CNTLN: variants seen among roughly 807,000 people sequenced by gnomAD.
CNTLN encodes the protein centlein, centrosomal protein.
A neutral mutation model predicts 180.0 loss-of-function variants in CNTLN; 212 were observed. The observed-to-expected ratio is 1.18, with a 90% CI of 1.05 to 1.32. The LOEUF (loss-of-function observed/expected upper bound fraction) is 1.32. Ranked by LOEUF, CNTLN falls within the 40% of genes most tolerant of loss-of-function variation. The probability of loss-of-function intolerance (pLI) is 0.00; values close to 1 mark genes in which losing one functional copy is unlikely to be tolerated. For missense variants in CNTLN, 2,095 were observed against 1,610.9 expected (o/e 1.30, Z -5.14); for synonymous variants, 722 against 563.1 (o/e 1.28, Z -3.99).
chr9:17,416,960 A>G (rs1414771924), intron 18 of CNTLN, among the ~76,000 whole-genome samples: 4 of 152,154 alleles, frequency 2.6e-5, no homozygotes, highest in Non-Finnish European at 1.5e-5. Flanking sequence ...CTCTAATTCT[A>G]GTATCTAGTG....
intron 23 of CNTLN, among the ~76,000 whole-genome samples, 162 bp downstream of exon 23, chr9:17,467,053 G>T (rs945829274): frequency 6.6e-6 from 1 of 151,372 alleles, no homozygotes; most frequent in African/African-American, 2.4e-5. Context: ...CCTCCATAAA[G>T]AATTTATTTT....
intron 6 of CNTLN, among the ~76,000 whole-genome samples, chr9:17,291,779 T>C (rs1829428248): frequency 6.6e-6 from 1 of 152,248 alleles, no homozygotes; most frequent in African/African-American, 2.4e-5. Context: ...TCTGTGTCTT[T>C]TAATCGGGGC....
the CNTLN span, among the ~76,000 whole-genome samples, chr9:17,525,874 C>G: frequency 1.3e-5 from 2 of 152,134 alleles, no homozygotes; most frequent in Non-Finnish European, 2.9e-5. Context: ...CTTAAAATAA[C>G]AATACATTAA....
At chr9:17,193,908 C>T (rs747294152) in intron 2 of CNTLN, among the ~76,000 whole-genome samples, 3 of 152,232 alleles carry the variant, frequency 2.0e-5, no homozygotes, top group Non-Finnish European at 4.4e-5. Context: ...CGGAAGTTTC[C>T]AAACCCCAAT....
chr9:17,230,402 G>T (rs1351229999), intron 3 of CNTLN, among the ~76,000 whole-genome samples: 1 of 148,936 alleles, frequency 6.7e-6, no homozygotes, highest in Admixed American at 6.7e-5. Context: ...GTTGGGGGAG[G>T]AGAGGAAGCG....
At chr9:17,295,991 AGAGAGAGTGTGTGTGTGT>A (rs984126652) in intron 6 of CNTLN, among the ~76,000 whole-genome samples, 13 of 76,670 alleles carry the variant, frequency 1.7e-4, no homozygotes, top group African/African-American at 1.0e-3. Flanking sequence ...AGAGAGAGAG[AGAGAGAGTGTGTGTGTGT>A]GTGTGTGTGT....
intron 1 of CNTLN, among the ~76,000 whole-genome samples, chr9:17,139,974 G>A (rs532108791): frequency 1.3e-5 from 2 of 152,110 alleles, no homozygotes; most frequent in African/African-American, 2.4e-5. Flanking sequence ...GCCTTATAGG[G>A]GTGAGCTACC....
intron 23 of CNTLN, among the ~76,000 whole-genome samples, chr9:17,483,572 G>A (rs2134310258): frequency 6.6e-6 from 1 of 152,288 alleles, no homozygotes; most frequent in Middle Eastern, 3.4e-3. Flanking sequence ...CCTGCTCTCA[G>A]CTCACAAAGC....
intron 2 of CNTLN, among the ~76,000 whole-genome samples, chr9:17,198,444 TCATTGTAGAGATC>T: frequency 6.6e-6 from 1 of 150,632 alleles, no homozygotes. Context: ...TCTATAGTTT[TCATTGTAGAGATC>T]TTTCACTTCT....
At chr9:17,418,354 A>C (rs1226199166) in intron 18 of CNTLN, among the ~76,000 whole-genome samples, 1 of 152,008 alleles carries the variant, frequency 6.6e-6, no homozygotes, top group East Asian at 1.9e-4. Context: ...CTACTGATAA[A>C]GTAACTCCCC....
At chr9:17,176,122 A>G (rs1160612467) in intron 2 of CNTLN, among the ~76,000 whole-genome samples, 2 of 151,938 alleles carry the variant, frequency 1.3e-5, no homozygotes, top group East Asian at 1.9e-4. Flanking sequence ...TGTGTTGGCT[A>G]TATTTTCCAG....
At chr9:17,244,428 G>A (rs1349202315) in intron 5 of CNTLN, among the ~76,000 whole-genome samples, 1 of 151,984 alleles carries the variant, frequency 6.6e-6, no homozygotes, top group Non-Finnish European at 1.5e-5. Flanking sequence ...ATGTTGCCCA[G>A]ACTAGTCTCA....
At chr9:17,147,142 A>T (rs1818510478) in intron 2 of CNTLN, among the ~76,000 whole-genome samples, 1 of 152,088 alleles carries the variant, frequency 6.6e-6, no homozygotes, top group Non-Finnish European at 1.5e-5. Context: ...GGCTTTTTGT[A>T]AGGCTTGGGG....
intron 10 of CNTLN, among the ~76,000 whole-genome samples, chr9:17,338,588 A>G (rs531945302): frequency 9.2e-5 from 14 of 152,120 alleles, no homozygotes; most frequent in Non-Finnish European, 1.6e-4. Flanking sequence ...TCATGTTCAT[A>G]TATGAGAAGG....
At chr9:17,343,403 T>C (rs563504099) in intron 12 of CNTLN, among the ~76,000 whole-genome samples, 1 of 152,328 alleles carries the variant, frequency 6.6e-6, no homozygotes, top group Middle Eastern at 3.4e-3. Flanking sequence ...TTTTCTTAGC[T>C]GTAAATGAGA....
chr9:17,352,870 T>C (rs1246064245), intron 12 of CNTLN, among the ~76,000 whole-genome samples: 1 of 152,246 alleles, frequency 6.6e-6, no homozygotes, highest in Non-Finnish European at 1.5e-5. Context: ...TTCATCCACA[T>C]TGAAGCCTGT....
chr9:17,489,302 G>C (rs1833033716), intron 25 of CNTLN, among the ~76,000 whole-genome samples: 1 of 152,016 alleles, frequency 6.6e-6, no homozygotes, highest in African/African-American at 2.4e-5. Context: ...ATTTTGTTTA[G>C]TTTATGGCTT....
intron 5 of CNTLN, among the ~76,000 whole-genome samples, chr9:17,263,440 C>T (rs557303886): frequency 9.3e-5 from 14 of 151,028 alleles, no homozygotes; most frequent in South Asian, 8.3e-4. Context: ...TCCAGTCTGT[C>T]TTTGTTGGGC....
At chr9:17,394,134 T>C (rs1826312587) in intron 14 of CNTLN, among the ~76,000 whole-genome samples, 1 of 152,174 alleles carries the variant, frequency 6.6e-6, no homozygotes, top group Non-Finnish European at 1.5e-5. Context: ...TTTCATATGA[T>C]TGTCGAATAT....
Sources: gnomAD v4.1 joint callset for allele counts (sites outside exome capture counted in the v4.1 genomes callset) on GRCh38, gnomAD v4.1.1 for gene constraint, MANE v1.5 for transcripts, NCBI Gene and HGNC (gene_info 2026-07-23, HGNC 2026-07-21) for gene names.